The following FCER1A variants were observed in gnomAD, a reference collection of about 807,000 sequenced individuals.
The protein encoded by FCER1A is Fc epsilon receptor Ia.
A neutral mutation model predicts 23.6 loss-of-function variants in FCER1A; 24 were observed. That is an observed-to-expected ratio of 1.02 (90% confidence interval 0.74 to 1.43). The LOEUF (loss-of-function observed/expected upper bound fraction) is 1.43, where lower values mean the gene tolerates loss of function less well. Among genes scored for constraint, FCER1A ranks in the 40% most tolerant of loss-of-function variants. The pLI is 0.00. For missense variants in FCER1A, 318 were observed against 294.5 expected (o/e 1.08, Z -0.58); for synonymous variants, 121 against 108.8 (o/e 1.11, Z -0.70).
chr1:159,291,752 A>T (rs1483716184), intron 1 of FCER1A, among the ~76,000 whole-genome samples: 3 of 152,032 alleles, frequency 2.0e-5, no homozygotes, highest in Admixed American at 6.6e-5. Context: ...CCACAGCAAA[A>T]CTTCTCAGAA....
chr1:159,287,926 C>G (rs371111511), upstream of FCER1A, among the ~76,000 whole-genome samples: 219 of 152,006 alleles, frequency 1.4e-3, 10 homozygotes, highest in South Asian at 0.045. Flanking sequence ...AAAATCTAAG[C>G]ATGCTCTCTG....
At position 159,307,912 on chromosome 1, in the gene FCER1A, C is replaced by A; in HGVS notation, c.754C>A (p.Pro252Thr). 6.3e-7 allele frequency: 1 copy of A among 1,597,972 alleles called. No individual in the cohort carries two copies. The highest frequency in any genetic ancestry group is 1.3e-5 in the African/African-American group (1 of 74,644). Reference protein sequence around the residue: ...GFRLLNPHPKPNPKNN With the variant: ...GFRLLNPHPKTNPKNN ...CAGACTTCTGAACCCACATCCTAAGCCAAACCCCAAAAACAACTGATATAA... is the reference window on the plus strand; with the variant it reads ...CAGACTTCTGAACCCACATCCTAAGACAAACCCCAAAAACAACTGATATAA... The change falls in exon 5 of 5, where the codon CCA becomes ACA. Residue 252 changes from proline (P) to threonine (T), a missense_variant. By Grantham distance (38) the Pro-to-Thr change is conservative. Coordinates refer to ENST00000693622, the MANE Select transcript of FCER1A (RefSeq NM_001387280.1).
At position 159,304,043 on chromosome 1, in the gene FCER1A, G is replaced by C. The variant is rs746502750; in HGVS notation, c.192G>C (p.Trp64Cys). ...NNFFEVSSTK[W>C]FHNGSLSEET... ...TCTTTGAAGTCAGTTCCACCAAATGGTTCCACAATGGCAGCCTTTCAGAAG... is the reference window on the plus strand; with the variant it reads ...TCTTTGAAGTCAGTTCCACCAAATGCTTCCACAATGGCAGCCTTTCAGAAG... Residue 64 changes from tryptophan (W) to cysteine (C), a missense_variant, in exon 3 of 5, where the codon TGG (tryptophan) becomes TGC (cysteine). By Grantham distance (215) the Trp-to-Cys change is radical. Transcript: ENST00000693622. 6.2e-7 allele frequency: 1 copy of C among 1,614,126 alleles called. No homozygotes were observed. Among genetic ancestry groups the C allele is most frequent in the Non-Finnish European group, 8.5e-7 (1 of 1,180,014 alleles).
chr1:159,306,012 C>T lies in FCER1A; in HGVS notation c.356C>T (p.Ala119Val). The T allele has an allele frequency of 1.2e-6, 2 of 1,613,808 alleles. No individual in the cohort carries two copies. The highest frequency in any genetic ancestry group is 1.7e-4 in the Middle Eastern group (1 of 6,050). Residue 119 changes from alanine to valine, a missense_variant, in exon 4 of 5, where the codon GCT becomes GTT. Physicochemically the swap from Ala to Val is moderately conservative, Grantham distance 64. Transcript: ENST00000693622. ...GACTGGCTGCTCCTTCAGGCCTCTG[C>T]TGAGGTGGTGATGGAGGGCCAGCCC... ...FSDWLLLQAS[A>V]EVVMEGQPLF...
chr1:159,291,169 C>A (rs1346434227), intron 1 of FCER1A, among the ~76,000 whole-genome samples: 2 of 152,158 alleles, frequency 1.3e-5, no homozygotes, highest in Non-Finnish European at 2.9e-5. Context: ...AGTAACTATT[C>A]ACTTCAAGGT....
chr1:159,302,248 C>G, upstream of FCER1A: 1 of 766,752 alleles, frequency 1.3e-6, no homozygotes, highest in Non-Finnish European at 2.3e-6. Flanking sequence ...CCAGGCACAG[C>G]TGATGGGTTA....
chr1:159,294,369 T>G (rs917435788), intron 1 of FCER1A, among the ~76,000 whole-genome samples: 1 of 152,184 alleles, frequency 6.6e-6, no homozygotes, highest in Non-Finnish European at 1.5e-5. Flanking sequence ...GACTTTCAAC[T>G]TCCCACTGCT....
intron 1 of FCER1A, among the ~76,000 whole-genome samples, chr1:159,294,505 C>T (rs1571076828): frequency 6.6e-6 from 1 of 152,236 alleles, no homozygotes; most frequent in East Asian, 1.9e-4. Context: ...CCTTGTACGT[C>T]TATGGAGCAA....
upstream of FCER1A, among the ~76,000 whole-genome samples, chr1:159,300,652 A>G (rs1342306550): frequency 1.3e-5 from 2 of 152,228 alleles, no homozygotes; most frequent in African/African-American, 4.8e-5. Context: ...ATGTAGGTTG[A>G]CAATAACTTT....
At chr1:159,302,824 C>T (rs762834291) in intron 1 of FCER1A, 30 bp from the exon 2 acceptor site, 14 of 1,606,788 alleles carry the variant, frequency 8.7e-6, no homozygotes, top group Non-Finnish European at 1.2e-5. Context: ...GACTGCTGGA[C>T]ACTAATGTAT....
intron 3 of FCER1A, among the ~76,000 whole-genome samples, chr1:159,305,112 T>C (rs959726806): frequency 2.6e-5 from 4 of 151,298 alleles, no homozygotes; most frequent in Non-Finnish European, 4.4e-5. Flanking sequence ...TCTATATTTT[T>C]CTCTTGAGTG....
At chr1:159,300,816 C>G (rs1652411787), upstream of FCER1A, among the ~76,000 whole-genome samples, 1 of 152,052 alleles carries the variant, frequency 6.6e-6, no homozygotes, top group East Asian at 1.9e-4. Flanking sequence ...ATAATATAAC[C>G]ATGACCTGGA....
At chr1:159,306,275 C>A in intron 4 of FCER1A, 30 bp downstream of exon 4, 1 of 1,605,048 alleles carries the variant, frequency 6.2e-7, no homozygotes, top group South Asian at 1.1e-5. Context: ...GAAAAGCATC[C>A]ATAGCAGGGG....
At chr1:159,297,035 T>C (rs1437376663) in intron 1 of FCER1A, among the ~76,000 whole-genome samples, 1 of 152,188 alleles carries the variant, frequency 6.6e-6, no homozygotes, top group Admixed American at 6.5e-5. Flanking sequence ...CTCATCCTTG[T>C]CTGTTAACGG....
chr1:159,298,763 A>G (rs919787422), upstream of FCER1A, among the ~76,000 whole-genome samples: 7 of 152,206 alleles, frequency 4.6e-5, no homozygotes, highest in East Asian at 1.9e-4. Flanking sequence ...CAGTACCAAC[A>G]TTGTGTGGCT....
At chr1:159,286,396 A>T (rs920204096), upstream of FCER1A, among the ~76,000 whole-genome samples, 1 of 151,268 alleles carries the variant, frequency 6.6e-6, no homozygotes, top group Admixed American at 6.6e-5. Context: ...GCAGTGGCGC[A>T]GTCTCGGCTC....
chr1:159,284,431 C>T, the FCER1A span, among the ~76,000 whole-genome samples: 1 of 152,334 alleles, frequency 6.6e-6, no homozygotes, highest in South Asian at 2.1e-4. Flanking sequence ...CATACAGTCT[C>T]TGCACCCATG....
At chr1:159,302,935 A>G in intron 2 of FCER1A, 61 bp downstream of exon 2, 1 of 1,491,902 alleles carries the variant, frequency 6.7e-7, no homozygotes, top group East Asian at 2.3e-5. Context: ...CTTTCCTCTC[A>G]CTATTTTCTT....
upstream of FCER1A, among the ~76,000 whole-genome samples, chr1:159,300,245 G>A (rs1157140690): frequency 6.6e-6 from 1 of 152,082 alleles, no homozygotes; most frequent in East Asian, 1.9e-4. Context: ...TCCCATCTAA[G>A]TAGGAGCTAT....
Sources: allele counts gnomAD v4.1 joint callset (sites outside exome capture counted in the v4.1 genomes callset), GRCh38; gene constraint gnomAD v4.1.1; transcripts MANE v1.5; gene names NCBI Gene and HGNC (gene_info 2026-07-23, HGNC 2026-07-21).